Variants in CMSS1 observed in about 807,000 individuals in gnomAD.
CMSS1 encodes protein CMSS1.
Under a neutral mutation model 43.5 loss-of-function variants are expected in CMSS1, and 33 were observed. The observed-to-expected ratio is 0.76, with a 90% CI of 0.57 to 1.01. CMSS1 has a LOEUF of 1.01. Ranked by LOEUF, CMSS1 falls within the 50% of genes least tolerant of loss-of-function variation. The pLI is 0.00. For synonymous variants in CMSS1, 115 were observed against 117.2 expected, an observed-to-expected ratio of 0.98 and a Z score of 0.12; for missense variants, 313 against 326.4, an observed-to-expected ratio of 0.96 and a Z score of 0.32.
chr3:100,025,257 T>C (rs937906386), intron 1 of CMSS1, among the ~76,000 whole-genome samples: 4 of 152,178 alleles, frequency 2.6e-5, no homozygotes, highest in African/African-American at 9.7e-5. Context: ...GCTATTTTTG[T>C]TGGTCTAAAG....
At chr3:99,820,464 T>G (rs1342285953) in intron 1 of CMSS1, among the ~76,000 whole-genome samples, 2 of 152,260 alleles carry the variant, frequency 1.3e-5, no homozygotes, top group Non-Finnish European at 2.9e-5. Context: ...CCCAAAGTGC[T>G]GGGATTACAG....
intron 1 of CMSS1, among the ~76,000 whole-genome samples, chr3:100,076,815 G>T (rs1187274201): frequency 9.2e-5 from 14 of 152,156 alleles, no homozygotes; most frequent in Non-Finnish European, 2.1e-4. Flanking sequence ...AAGATCTTTT[G>T]TGCAGCCTGG....
At chr3:100,014,895 C>CTTTT (rs1233573719) in intron 1 of CMSS1, among the ~76,000 whole-genome samples, 93 of 25,006 alleles carry the variant, frequency 3.7e-3, no homozygotes, top group African/African-American at 4.4e-3. Context: ...TTCTTTCTTT[C>CTTTT]TTTTTTTTTT....
chr3:100,116,267 A>G (rs2107486940), intron 1 of CMSS1, among the ~76,000 whole-genome samples: 2 of 152,300 alleles, frequency 1.3e-5, no homozygotes, highest in South Asian at 4.1e-4. Context: ...ACTTTCTTAG[A>G]GTGAAGAAGA....
chr3:99,862,182 A>G (rs1944296443), intron 1 of CMSS1, among the ~76,000 whole-genome samples: 1 of 152,224 alleles, frequency 6.6e-6, no homozygotes, highest in Non-Finnish European at 1.5e-5. Context: ...ACATCATGTT[A>G]TAGGCCCTAA....
intron 1 of CMSS1, among the ~76,000 whole-genome samples, chr3:100,097,415 A>G (rs963379634): frequency 2.0e-5 from 3 of 152,188 alleles, no homozygotes; most frequent in Non-Finnish European, 2.9e-5. Context: ...CACTGACTTG[A>G]ACATCCTCAG....
At chr3:99,968,414 A>G (rs1228316629) in intron 1 of CMSS1, among the ~76,000 whole-genome samples, 1 of 151,620 alleles carries the variant, frequency 6.6e-6, no homozygotes, top group Admixed American at 6.6e-5. Flanking sequence ...GTCCTGAAAA[A>G]CTATGTTTTT....
chr3:99,879,876 G>A (rs1705662720), intron 1 of CMSS1, among the ~76,000 whole-genome samples: 1 of 152,136 alleles, frequency 6.6e-6, no homozygotes, highest in Non-Finnish European at 1.5e-5. Context: ...ACAGACCCAG[G>A]ATTGCATAGG....
At chr3:100,045,577 T>G (rs901322022) in intron 1 of CMSS1, among the ~76,000 whole-genome samples, 8 of 152,304 alleles carry the variant, frequency 5.3e-5, no homozygotes, top group African/African-American at 1.9e-4. Flanking sequence ...TCATTTATCT[T>G]AAATGGGACA....
At chr3:99,947,137 C>CAAAAA (rs397829321) in intron 1 of CMSS1, among the ~76,000 whole-genome samples, 3 of 88,768 alleles carry the variant, frequency 3.4e-5, no homozygotes, top group East Asian at 3.3e-4. Context: ...GACTCTGTCT[C>CAAAAA]AAAAAAAAAA....
chr3:99,822,782 G>C (rs888716062), intron 1 of CMSS1, among the ~76,000 whole-genome samples: 1 of 152,154 alleles, frequency 6.6e-6, no homozygotes, highest in Non-Finnish European at 1.5e-5. Flanking sequence ...GCTTGCATTT[G>C]TTGAGCACTT....
At chr3:100,054,524 T>C (rs544674793) in intron 1 of CMSS1, among the ~76,000 whole-genome samples, 1 of 151,146 alleles carries the variant, frequency 6.6e-6, no homozygotes. Flanking sequence ...TATGTTATGT[T>C]ATGTTATGTT....
At chr3:99,818,924 C>G (rs769989990) in intron 1 of CMSS1, among the ~76,000 whole-genome samples, 42 of 152,334 alleles carry the variant, frequency 2.8e-4, no homozygotes, top group Non-Finnish European at 5.4e-4. Context: ...ACCTACCATG[C>G]AATTATTGGT....
chr3:100,094,430 T>C (rs949968373), intron 1 of CMSS1, among the ~76,000 whole-genome samples: 1 of 152,188 alleles, frequency 6.6e-6, no homozygotes, highest in African/African-American at 2.4e-5. Flanking sequence ...AGTCTTTTGT[T>C]TTGATACAGT....
chr3:100,064,217 T>C (rs1349849183), intron 1 of CMSS1, among the ~76,000 whole-genome samples: 1 of 152,144 alleles, frequency 6.6e-6, no homozygotes, highest in East Asian at 1.9e-4. Flanking sequence ...GGACGTGTGG[T>C]GGATTGGGAA....
chr3:99,942,495 A>G (rs1350931189), intron 1 of CMSS1, among the ~76,000 whole-genome samples: 1 of 152,210 alleles, frequency 6.6e-6, no homozygotes, highest in African/African-American at 2.4e-5. Context: ...AAAAGATTTG[A>G]AAGAAAGCAC....
chr3:99,994,340 G>A lies in CMSS1; in HGVS notation c.65-152633G>A, dbSNP rs142990477. 7.3e-3 allele frequency among the ~76,000 whole-genome samples: 1,106 copies of A among 152,238 alleles called. 18 individuals carry two copies. The highest frequency in any genetic ancestry group is 0.025 in the African/African-American group (1,019 of 41,524). Reference sequence around the variant, plus strand: ...CTAGACAGATCATCAAGTCAGAAAAGTAACAAAGAAATATTGGACTTAAAT... The same window carrying A: ...CTAGACAGATCATCAAGTCAGAAAAATAACAAAGAAATATTGGACTTAAAT... On this transcript the variant is annotated intron_variant, in intron 1 of 9. Coordinates refer to ENST00000421999, the MANE Select transcript of CMSS1 (RefSeq NM_032359.4).
intron 1 of CMSS1, among the ~76,000 whole-genome samples, chr3:100,140,081 A>C (rs2066792881): frequency 6.6e-6 from 1 of 152,244 alleles, no homozygotes; most frequent in Non-Finnish European, 1.5e-5. Flanking sequence ...TAGTATATGT[A>C]AATTATTCCT....
intron 1 of CMSS1, among the ~76,000 whole-genome samples, chr3:100,039,445 A>G (rs1283853004): frequency 6.6e-6 from 1 of 152,200 alleles, no homozygotes; most frequent in East Asian, 1.9e-4. Flanking sequence ...GAGTTCTACA[A>G]AAATACCAAC....
Sources: gnomAD v4.1 joint callset for allele counts (sites outside exome capture counted in the v4.1 genomes callset) on GRCh38, gnomAD v4.1.1 for gene constraint, MANE v1.5 for transcripts, NCBI Gene and HGNC (gene_info 2026-07-23, HGNC 2026-07-21) for gene names.